The following PRSS57 variants were observed in gnomAD, a reference collection of about 807,000 sequenced individuals.
PRSS57 encodes serine protease 57.
PRSS57 carries 19 observed loss-of-function variants against 20.6 expected under a neutral mutation model. The ratio of observed to expected loss-of-function variants is 0.92; its 90% CI spans 0.64 to 1.35. PRSS57 has a LOEUF of 1.35. PRSS57 is among the 40% of genes most tolerant of loss of function. The pLI is 0.00. For missense variants in PRSS57, 440 were observed against 403.7 expected (o/e 1.09, Z -0.77); for synonymous variants, 203 against 176.6 (o/e 1.15, Z -1.19).
intron 4 of PRSS57, 83 bp downstream of exon 4, chr19:686,842 C>T: frequency 6.7e-7 from 1 of 1,502,112 alleles, no homozygotes; most frequent in Non-Finnish European, 9.0e-7. Context: ...ACTCAGTTCC[C>T]AAGGCCCTTC....
rs1172736949 is a variant in PRSS57, at chr19:695,030, A to T, written c.80-63T>A. The stretch of plus-strand genomic sequence containing the variant: ...AGGAACGGATGACGGGGCTGGGGTC[A>T]GGGCAGGGGGAGAAGTAGCGGCCAA... On this transcript the variant is annotated intron_variant, in intron 1 of 4. Coordinates refer to ENST00000329267, the MANE Select transcript of PRSS57 (RefSeq NM_001308209.2). 2.1e-6 allele frequency: 3 copies of T among 1,432,230 alleles called. No homozygotes were observed. The African/African-American group carries it at 4.3e-5, about 21-fold the overall frequency. The allele number at this position is 1,432,230 out of a possible 1,614,324, so 88.7% of individuals were successfully genotyped here.
At chr19:690,703 C>T in intron 3 of PRSS57, 1 of 323,012 alleles carries the variant, frequency 3.1e-6, no homozygotes, top group Admixed American at 4.0e-5. Context: ...CCACCGGGGA[C>T]TACAATGGCC....
At chr19:686,486 C>T (rs779639098) in intron 4 of PRSS57, among the ~76,000 whole-genome samples, 2 of 152,078 alleles carry the variant, frequency 1.3e-5, no homozygotes, top group African/African-American at 2.4e-5. Flanking sequence ...TCCAAGGTCA[C>T]GCATCGGGAA....
intron 4 of PRSS57, among the ~76,000 whole-genome samples, chr19:686,158 C>T (rs868148301): frequency 6.6e-6 from 1 of 152,146 alleles, no homozygotes; most frequent in Non-Finnish European, 1.5e-5. Flanking sequence ...CTGTTCCTGC[C>T]CTGCGCTGGA....
At chr19:690,321 A>C (rs1213305128) in intron 3 of PRSS57, 1 of 152,860 alleles carries the variant, frequency 6.5e-6, no homozygotes, top group Non-Finnish European at 1.5e-5. Flanking sequence ...AAAAAAAAAA[A>C]ATAGCCCAGG....
At chr19:692,674 C>T (rs2031681338) in intron 2 of PRSS57, among the ~76,000 whole-genome samples, 1 of 151,632 alleles carries the variant, frequency 6.6e-6, no homozygotes, top group South Asian at 2.1e-4. Flanking sequence ...GCCTCGGCCT[C>T]CCAAAGTGCT....
intron 2 of PRSS57, among the ~76,000 whole-genome samples, chr19:693,021 G>A (rs1424645271): frequency 6.7e-6 from 1 of 150,298 alleles, no homozygotes; most frequent in Non-Finnish European, 1.5e-5. Context: ...TCCACCTCCC[G>A]GGTTCACGCC....
In PRSS57 at chr19:692,428, T is replaced by TTTTTCC. The variant is rs1555684713; in HGVS notation, c.234-427_234-426insGGAAAA. 2.5e-4 allele frequency among the ~76,000 whole-genome samples: 32 copies of TTTTTCC among 128,468 alleles called. No individual in the cohort carries two copies. In the South Asian group the frequency reaches 3.8e-3, roughly 15 times the overall value. The allele number at this position is 128,468 out of a possible 152,430, so 84.3% of individuals were successfully genotyped here. ...AACTTAATATTCTTTTCCTTTTTTC[T>TTTTTCC]TTTTTTTTTTTTTTGAGACAGAGTC... On this transcript the variant is annotated intron_variant, in intron 2 of 4. Transcript: ENST00000329267.
intron 3 of PRSS57, among the ~76,000 whole-genome samples, chr19:689,263 G>T (rs558160442): frequency 1.3e-5 from 2 of 151,664 alleles, no homozygotes; most frequent in East Asian, 3.9e-4. Flanking sequence ...GGGCCGGAAG[G>T]GTGGTCCAGG....
At chr19:688,126 G>C (rs1362494056) in intron 3 of PRSS57, among the ~76,000 whole-genome samples, 1 of 152,240 alleles carries the variant, frequency 6.6e-6, no homozygotes, top group Non-Finnish European at 1.5e-5. Flanking sequence ...CTGATGCTCA[G>C]TTAATGGGCC....
chr19:686,770 C>G (rs2031484814), intron 4 of PRSS57, among the ~76,000 whole-genome samples, 155 bp downstream of exon 4: 1 of 152,202 alleles, frequency 6.6e-6, no homozygotes, highest in Non-Finnish European at 1.5e-5. Context: ...CCCTGCATGA[C>G]CCTTGCCAAC....
intron 3 of PRSS57, chr19:691,016 C>T: frequency 2.6e-6 from 1 of 382,256 alleles, no homozygotes. Flanking sequence ...GGCCACTTTG[C>T]CAAGGCCGCC....
intron 4 of PRSS57, among the ~76,000 whole-genome samples, chr19:686,536 C>G (rs1015212436): frequency 3.3e-5 from 5 of 152,092 alleles, no homozygotes; most frequent in Admixed American, 6.6e-5. Flanking sequence ...GGCTGCTGGG[C>G]TAAGTGTGTG....
rs754241251 is a variant in PRSS57, at chr19:694,936, G to A, written c.111C>T (p.His37=). The change falls in exon 2 of 5, where the codon CAC becomes CAT. Residue 37 remains histidine, a synonymous_variant. Transcript: ENST00000329267. ...AGGGCCTGGAGTGGGGGGTCACCTC[G>A]TGGCCCCCGATGATCTGGGCCCCCC... The part of the protein sequence containing the change: ...GSWGAQIIGG[H]EVTPHSRPYM... 6.3e-6 allele frequency: 10 copies of A among 1,576,898 alleles called. No individual in the cohort carries two copies. Among genetic ancestry groups the A allele is most frequent in the Admixed American group, 1.8e-5 (1 of 54,606 alleles).
At chr19:692,226 A>G (rs1167589443) in intron 2 of PRSS57, among the ~76,000 whole-genome samples, 4 of 150,262 alleles carry the variant, frequency 2.7e-5, no homozygotes, top group Non-Finnish European at 4.5e-5. Context: ...AAAATTAGCC[A>G]GGTGTGGTGG....
intron 3 of PRSS57, among the ~76,000 whole-genome samples, chr19:690,080 AG>A (rs59617882): frequency 0.28 from 42,114 of 150,474 alleles, 6,151 homozygotes; most frequent in East Asian, 0.4. Flanking sequence ...TGGGAGGCAG[AG>A]GTGGGCGGAT....
chr19:685,914 G>T lies in PRSS57; in HGVS notation c.651C>A (p.Ser217=). Residue 217 remains serine (S), a synonymous_variant, in exon 5 of 5, where the codon TCC becomes TCA. Transcript: ENST00000329267. ...GGTTCCTGCACACCAGGGGCCCTCC[G>T]GAGTCGGCCTGGAGTGAAAGGAGAG... The part of the protein sequence containing the change: ...SHRRGFCSAD[S]GGPLVCRNRA... 6.5e-7 allele frequency: 1 copy of T among 1,542,850 alleles called. No homozygotes were observed. The highest frequency in any genetic ancestry group is 8.8e-7 in the Non-Finnish European group (1 of 1,142,460).
At chr19:687,275 C>G (rs1279379120) in intron 3 of PRSS57, 87 bp from the exon 4 acceptor site, 1 of 1,399,538 alleles carries the variant, frequency 7.1e-7, no homozygotes, top group East Asian at 2.6e-5. Flanking sequence ...CCTGGTCCTG[C>G]CCTTGTGAAG....
chr19:688,988 C>T (rs1471916184), intron 3 of PRSS57, among the ~76,000 whole-genome samples: 1 of 152,150 alleles, frequency 6.6e-6, no homozygotes, highest in Non-Finnish European at 1.5e-5. Context: ...TGAGCGCCTG[C>T]TGTGTGCCAT....
Sources: allele counts gnomAD v4.1 joint callset (sites outside exome capture counted in the v4.1 genomes callset), GRCh38; gene constraint gnomAD v4.1.1; transcripts MANE v1.5; gene names NCBI Gene and HGNC (gene_info 2026-07-23, HGNC 2026-07-21).